Variants in FGGY observed in about 807,000 individuals in gnomAD.
FGGY encodes FGGY carbohydrate kinase domain-containing protein.
In FGGY, 72 loss-of-function variants were observed where a neutral mutation model predicts 71.3. That is an observed-to-expected ratio of 1.01 (90% confidence interval 0.84 to 1.23). FGGY has a LOEUF of 1.23. FGGY is among the 50% of genes most tolerant of loss of function. The pLI, the probability that FGGY is intolerant of heterozygous loss-of-function variation, is 0.00. For missense variants in FGGY, 668 were observed against 682.3 expected (o/e 0.98, Z 0.23); for synonymous variants, 251 against 250.3 (o/e 1.00, Z -0.02).
At chr1:59,735,362 A>T (rs1317100487) in intron 14 of FGGY, among the ~76,000 whole-genome samples, 1 of 152,184 alleles carries the variant, frequency 6.6e-6, no homozygotes, top group East Asian at 1.9e-4. Flanking sequence ...TCTTTAGCTC[A>T]TGAGGAAGAT....
chr1:59,319,118 TTTA>T (rs1249118577), intron 1 of FGGY, among the ~76,000 whole-genome samples: 1 of 152,210 alleles, frequency 6.6e-6, no homozygotes, highest in African/African-American at 2.4e-5. Context: ...TGCACCATTA[TTTA>T]TTATTACCAT....
chr1:59,610,637 T>C (rs979669006), intron 9 of FGGY, among the ~76,000 whole-genome samples: 33 of 152,204 alleles, frequency 2.2e-4, no homozygotes, highest in African/African-American at 7.5e-4. Flanking sequence ...ACTGGGTTCA[T>C]CTCACTGGGG....
chr1:59,426,460 C>T (rs1350984083), intron 5 of FGGY, among the ~76,000 whole-genome samples: 1 of 152,120 alleles, frequency 6.6e-6, no homozygotes, highest in Non-Finnish European at 1.5e-5. Context: ...TCTGGAATAA[C>T]ATTATTTCAC....
At chr1:59,503,567 T>C (rs979067449) in intron 6 of FGGY, among the ~76,000 whole-genome samples, 1 of 146,468 alleles carries the variant, frequency 6.8e-6, no homozygotes, top group African/African-American at 2.5e-5. Flanking sequence ...ATTTTCTAGG[T>C]ATACGCATTG....
Position 59,321,679 on chromosome 1 carries a change from T to C in FGGY, c.130T>C (p.Trp44Arg). Residue 44 changes from tryptophan (W) to arginine (R), a missense_variant, in exon 2 of 16, where the codon TGG becomes CGG. Transcript: ENST00000303721. ...TTTTGCAGACCAGCCAATTAAGAAT[T>C]GGGAGCCCCAGTTCAACCACCATGA... Reference protein sequence around the residue: ...LAFADQPIKNWEPQFNHHEQS... With the variant: ...LAFADQPIKNREPQFNHHEQS... The C allele has an allele frequency of 6.2e-7, 1 of 1,613,154 alleles. No individual in the cohort carries two copies. Among genetic ancestry groups the C allele is most frequent in the Non-Finnish European group, 8.5e-7 (1 of 1,179,562 alleles).
chr1:59,515,138 G>C (rs1390602534), intron 7 of FGGY, among the ~76,000 whole-genome samples: 1 of 152,130 alleles, frequency 6.6e-6, no homozygotes, highest in Non-Finnish European at 1.5e-5. Flanking sequence ...CGCTGCCCAA[G>C]ACCATGGGAA....
intron 6 of FGGY, among the ~76,000 whole-genome samples, chr1:59,466,887 CTT>C (rs1345845745): frequency 1.3e-5 from 2 of 152,112 alleles, no homozygotes; most frequent in African/African-American, 4.8e-5. Context: ...AATAGGAACA[CTT>C]TTACATTGTT....
At chr1:59,328,506 A>C (rs955843517) in intron 2 of FGGY, among the ~76,000 whole-genome samples, 1 of 152,132 alleles carries the variant, frequency 6.6e-6, no homozygotes, top group Non-Finnish European at 1.5e-5. Flanking sequence ...TATCTAGACC[A>C]CTCAAATTTT....
At chr1:59,590,561 C>T (rs1017291973) in intron 8 of FGGY, among the ~76,000 whole-genome samples, 3 of 152,126 alleles carry the variant, frequency 2.0e-5, no homozygotes, top group Non-Finnish European at 4.4e-5. Flanking sequence ...CAAACCGAAT[C>T]CAGCAGCACA....
chr1:59,561,291 C>A (rs536442119), intron 8 of FGGY, among the ~76,000 whole-genome samples: 2 of 152,272 alleles, frequency 1.3e-5, no homozygotes, highest in African/African-American at 4.8e-5. Flanking sequence ...TTTACCAGGA[C>A]CTGTTGTCGT....
At chr1:59,622,116 A>G (rs778575745) in intron 9 of FGGY, among the ~76,000 whole-genome samples, 3 of 151,914 alleles carry the variant, frequency 2.0e-5, no homozygotes, top group Non-Finnish European at 4.4e-5. Flanking sequence ...CATCTACTAT[A>G]TATTTATTTC....
At chr1:59,359,633 A>G (rs1406074222) in intron 4 of FGGY, among the ~76,000 whole-genome samples, 1 of 152,202 alleles carries the variant, frequency 6.6e-6, no homozygotes, top group African/African-American at 2.4e-5. Context: ...TTGTCTGTTC[A>G]TCCAGAATGG....
At chr1:59,319,211 A>G (rs1036210348) in intron 1 of FGGY, among the ~76,000 whole-genome samples, 1 of 152,232 alleles carries the variant, frequency 6.6e-6, no homozygotes, top group African/African-American at 2.4e-5. Context: ...GAGAAGCTAA[A>G]TATGGAAAAA....
intron 5 of FGGY, among the ~76,000 whole-genome samples, chr1:59,379,162 AACACAC>A (rs55986439): frequency 1.4e-5 from 2 of 143,136 alleles, no homozygotes; most frequent in African/African-American, 2.6e-5. Flanking sequence ...GGAAAAAATA[AACACAC>A]ACACACACAC....
At chr1:59,485,258 T>C (rs1276237567) in intron 6 of FGGY, among the ~76,000 whole-genome samples, 1 of 152,134 alleles carries the variant, frequency 6.6e-6, no homozygotes, top group Non-Finnish European at 1.5e-5. Context: ...TACATCAGGG[T>C]CTTTCATTAT....
rs903374493 is a variant in FGGY at position 59,608,199 on chromosome 1, G to A, written c.1011+289G>A. ...GAATGATATTCTACTTAGAGAAAACGACATGTTACTCCCCAGCCCAAATCC... is the reference window on the plus strand; with the variant it reads ...GAATGATATTCTACTTAGAGAAAACAACATGTTACTCCCCAGCCCAAATCC... On this transcript the variant is annotated intron_variant, in intron 9 of 15. Transcript: ENST00000303721. 4.6e-5 allele frequency among the ~76,000 whole-genome samples: 7 copies of A among 152,046 alleles called. No homozygotes were observed. In the East Asian group the frequency reaches 7.7e-4, roughly 17 times the overall value.
At chr1:59,738,464 A>G (rs796994406) in intron 14 of FGGY, among the ~76,000 whole-genome samples, 17 of 152,336 alleles carry the variant, frequency 1.1e-4, no homozygotes, top group African/African-American at 3.4e-4. Flanking sequence ...AAAGATGGGG[A>G]AAAAAACCAT....
At chr1:59,617,326 ATT>A (rs1229955017) in intron 9 of FGGY, among the ~76,000 whole-genome samples, 1 of 152,090 alleles carries the variant, frequency 6.6e-6, no homozygotes, top group Admixed American at 6.6e-5. Flanking sequence ...AAAAAAAGAT[ATT>A]TGTCTCATTT....
intron 6 of FGGY, among the ~76,000 whole-genome samples, chr1:59,464,549 A>C (rs185771135): frequency 5.9e-5 from 9 of 152,202 alleles, no homozygotes; most frequent in East Asian, 3.9e-4. Context: ...CACACACACA[A>C]AAAAACCCTT....
Sources: gnomAD v4.1 joint callset for allele counts (sites outside exome capture counted in the v4.1 genomes callset) on GRCh38, gnomAD v4.1.1 for gene constraint, MANE v1.5 for transcripts, NCBI Gene and HGNC (gene_info 2026-07-23, HGNC 2026-07-21) for gene names.